GRIN2B: variants seen among roughly 807,000 people sequenced by gnomAD.
GRIN2B encodes glutamate ionotropic receptor NMDA type subunit 2B.
A neutral mutation model predicts 114.5 loss-of-function variants in GRIN2B; 5 were observed. That is an observed-to-expected ratio of 0.04 (90% CI 0.02 to 0.09). The LOEUF (loss-of-function observed/expected upper bound fraction) is 0.09, where lower values mean the gene tolerates loss of function less well. GRIN2B is among the 10% of genes least tolerant of loss of function. The pLI, the probability that GRIN2B is intolerant of heterozygous loss-of-function variation, is 1.00. For synonymous variants in GRIN2B, 787 were observed against 745.1 expected (o/e 1.06, Z -0.92); for missense variants, 1,108 against 1,943.5 (o/e 0.57, Z 8.08).
At chr12:13,953,540 C>T (rs545520555) in intron 2 of GRIN2B, among the ~76,000 whole-genome samples, 4 of 152,310 alleles carry the variant, frequency 2.6e-5, no homozygotes, top group Admixed American at 1.3e-4. Context: ...CCAAGCCTCC[C>T]GTGCCAAATA....
At position 13,611,747 on chromosome 12, in the gene GRIN2B, G is replaced by A. The variant is rs1949367871; in HGVS notation, c.1758C>T (p.Asn586=). ...TACCTCTGCCATCAGCGAGGCACCT[G>A]TTATAACCCACAGGGCTGAAGTACT... ...VFEYFSPVGY[N]RCLADGREPG... The change falls in exon 9 of 14, where the codon AAC becomes AAT. Residue 586 remains asparagine, a synonymous_variant. Coordinates refer to ENST00000609686, the MANE Select transcript of GRIN2B (RefSeq NM_000834.5). 3 of 1,613,862 alleles carry A rather than the reference G, an allele frequency of 1.9e-6. No individual in the cohort carries two copies. The South Asian group carries it at 3.3e-5, about 18-fold the overall frequency.
At chr12:13,943,250 G>T (rs540207378) in intron 2 of GRIN2B, among the ~76,000 whole-genome samples, 5 of 152,266 alleles carry the variant, frequency 3.3e-5, no homozygotes, top group Admixed American at 3.3e-4. Context: ...AAAAGGAGAA[G>T]TGTACAAAAT....
At chr12:13,896,695 G>A (rs554881825) in intron 2 of GRIN2B, among the ~76,000 whole-genome samples, 1 of 152,176 alleles carries the variant, frequency 6.6e-6, no homozygotes, top group Non-Finnish European at 1.5e-5. Flanking sequence ...AATACAAAAT[G>A]TGTTGGGGGA....
chr12:13,585,588 G>A (rs918911519), intron 10 of GRIN2B, among the ~76,000 whole-genome samples: 1 of 152,142 alleles, frequency 6.6e-6, no homozygotes, highest in Admixed American at 6.5e-5. Context: ...GAGAGGACTC[G>A]AACAATCCTT....
intron 10 of GRIN2B, among the ~76,000 whole-genome samples, chr12:13,600,480 G>T (rs561025193): frequency 2.7e-5 from 4 of 150,720 alleles, no homozygotes; most frequent in Non-Finnish European, 5.9e-5. Context: ...AGTCTTGGAG[G>T]GTAGGGATGT....
intron 4 of GRIN2B, among the ~76,000 whole-genome samples, chr12:13,717,066 CGTGTGTGTGTGTGTGTGT>C (rs56360153): frequency 1.4e-5 from 2 of 146,036 alleles, no homozygotes; most frequent in East Asian, 2.1e-4. Flanking sequence ...ATGCCATACG[CGTGTGTGTGTGTGTGTGT>C]GTGTGTGTGT....
intron 2 of GRIN2B, among the ~76,000 whole-genome samples, chr12:13,965,245 T>G (rs1369983308): frequency 6.6e-6 from 1 of 152,224 alleles, no homozygotes; most frequent in Admixed American, 6.5e-5. Flanking sequence ...CTGGTCTCTT[T>G]AAGGTAACTG....
In GRIN2B at chr12:13,551,102, C is replaced by T. The variant is rs1280408420; in HGVS notation, c.*11681G>A. On this transcript the variant is annotated 3_prime_UTR_variant, in exon 14 of 14. Transcript: ENST00000609686. ...TCCTTGCTTCCTGCCTATGTGAAAC[C>T]TTGATATTTTTCTTGCTCCTGACCC... 6.6e-6 allele frequency: 1 copy of T among 151,980 alleles called. No homozygotes were observed. The highest frequency in any genetic ancestry group is 2.4e-5 in the African/African-American group (1 of 41,382). 9.4% of individuals were successfully genotyped at this position (151,980 alleles called of 1,614,324 possible).
intron 5 of GRIN2B, among the ~76,000 whole-genome samples, chr12:13,636,823 G>C (rs554166484): frequency 3.9e-5 from 6 of 152,264 alleles, no homozygotes; most frequent in African/African-American, 1.4e-4. Flanking sequence ...CTGAATCTCA[G>C]CTTCATCCTC....
chr12:13,882,310 C>G (rs1786730940), intron 2 of GRIN2B, among the ~76,000 whole-genome samples: 1 of 152,094 alleles, frequency 6.6e-6, no homozygotes, highest in Non-Finnish European at 1.5e-5. Flanking sequence ...GTGAAGTGCT[C>G]GGAAGCTCTC....
intron 2 of GRIN2B, among the ~76,000 whole-genome samples, chr12:13,874,479 T>A (rs942687549): frequency 6.6e-6 from 1 of 152,238 alleles, no homozygotes; most frequent in Non-Finnish European, 1.5e-5. Context: ...CGGGTTTTTC[T>A]TTTTTCCTTA....
chr12:13,558,913 A>C lies in GRIN2B; in HGVS notation c.*3870T>G, dbSNP rs1948505808. 6.6e-6 allele frequency: 1 copy of C among 152,222 alleles called. No individual in the cohort carries two copies. The highest frequency in any genetic ancestry group is 1.5e-5 in the Non-Finnish European group (1 of 68,046). 9.4% of individuals were successfully genotyped at this position (152,222 alleles called of 1,614,324 possible). On this transcript the variant is annotated 3_prime_UTR_variant, in exon 14 of 14. Coordinates refer to ENST00000609686, the MANE Select transcript of GRIN2B (RefSeq NM_000834.5). ...CTGAGATTTAAGCATTGCCACTGAA[A>C]GGAGTTCATACAGGACCACACTCAC...
chr12:13,955,100 T>C (rs940146672), intron 2 of GRIN2B, among the ~76,000 whole-genome samples: 1 of 152,106 alleles, frequency 6.6e-6, no homozygotes, highest in African/African-American at 2.4e-5. Flanking sequence ...AAATTGATCA[T>C]GCATTTAACA....
At chr12:13,611,670 T>C (rs1949366684) in intron 9 of GRIN2B, 55 bp downstream of exon 9, 2 of 1,574,202 alleles carry the variant, frequency 1.3e-6, no homozygotes, top group East Asian at 4.5e-5. Context: ...AGTCCAGAGA[T>C]TTGAAAATAA....
chr12:13,977,894 C>A (rs1863056039), intron 2 of GRIN2B, among the ~76,000 whole-genome samples: 1 of 152,154 alleles, frequency 6.6e-6, no homozygotes, highest in Non-Finnish European at 1.5e-5. Context: ...ATAGCTTCCC[C>A]ACCCACTTTT....
At chr12:13,708,771 T>A (rs954065818) in intron 4 of GRIN2B, among the ~76,000 whole-genome samples, 1 of 152,096 alleles carries the variant, frequency 6.6e-6, no homozygotes, top group Non-Finnish European at 1.5e-5. Context: ...ACTATCTTCT[T>A]GCAGTACTGT....
chr12:13,900,986 T>C (rs1427468978), intron 2 of GRIN2B, among the ~76,000 whole-genome samples: 1 of 152,178 alleles, frequency 6.6e-6, no homozygotes, highest in Non-Finnish European at 1.5e-5. Flanking sequence ...TTCTGACATG[T>C]CTATTCTTGT....
intron 2 of GRIN2B, among the ~76,000 whole-genome samples, chr12:13,930,689 A>C (rs1042661944): frequency 1.3e-5 from 2 of 152,218 alleles, no homozygotes; most frequent in Non-Finnish European, 2.9e-5. Flanking sequence ...ATAAAGGCAG[A>C]GGGAGCTGCT....
intron 5 of GRIN2B, among the ~76,000 whole-genome samples, chr12:13,634,762 G>A (rs558937545): frequency 6.6e-6 from 1 of 152,304 alleles, no homozygotes; most frequent in South Asian, 2.1e-4. Flanking sequence ...GAGGCTGGGG[G>A]ACAGTTTTAT....
Sources: gnomAD v4.1 joint callset for allele counts (sites outside exome capture counted in the v4.1 genomes callset) on GRCh38, gnomAD v4.1.1 for gene constraint, MANE v1.5 for transcripts, NCBI Gene and HGNC (gene_info 2026-07-23, HGNC 2026-07-21) for gene names.